ADD1: variants seen among roughly 807,000 people sequenced by gnomAD.
ADD1 encodes alpha-adducin.
Under a neutral mutation model 80.5 loss-of-function variants are expected in ADD1, and 24 were observed. That is an observed-to-expected ratio of 0.30 (90% CI 0.22 to 0.42). The LOEUF is 0.42. ADD1 is among the 10% of genes least tolerant of loss of function. ADD1 has a pLI of 1.00. For missense variants in ADD1, 948 were observed against 1,019.0 expected, an observed-to-expected ratio of 0.93 and a Z score of 0.95; for synonymous variants, 373 against 393.8, an observed-to-expected ratio of 0.95 and a Z score of 0.63.
rs57425059 is a variant in ADD1, at chr4:2,852,247, C to CTTTCTT, written c.-21+8224_-21+8225insTTCTTT. ...CTTTCTTTCCTTTCTTTCTTTCTTTCTCTTTCTTTCTTTCCTTCCTTCCTT... is the reference window on the plus strand; with the variant it reads ...CTTTCTTTCCTTTCTTTCTTTCTTTCTTTCTTTCTTTCTTTCTTTCCTTCCTTCCTT... On this transcript the variant is annotated intron_variant, in intron 1 of 15. Transcript: ENST00000683351. Among the ~76,000 whole-genome samples, 9 of 66,256 alleles carry CTTTCTT rather than the reference C, an allele frequency of 1.4e-4. No homozygotes were observed. In the South Asian group the frequency reaches 2.0e-3, roughly 15 times the overall value. The allele number at this position is 66,256 out of a possible 152,430, so 43.5% of individuals were successfully genotyped here.
chr4:2,924,765 G>C (rs1053069901), intron 14 of ADD1, among the ~76,000 whole-genome samples: 10 of 152,200 alleles, frequency 6.6e-5, no homozygotes, highest in Admixed American at 1.3e-4. Flanking sequence ...TCTCCCTCCA[G>C]TGAAGCTTTG....
chr4:2,910,348 C>G (rs765691913), intron 13 of ADD1, among the ~76,000 whole-genome samples: 1 of 151,998 alleles, frequency 6.6e-6, no homozygotes, highest in Non-Finnish European at 1.5e-5. Flanking sequence ...AGCAAAGATT[C>G]TGTATTCCTG....
intron 1 of ADD1, among the ~76,000 whole-genome samples, chr4:2,872,027 G>T (rs1730531457): frequency 6.6e-6 from 1 of 152,172 alleles, no homozygotes; most frequent in African/African-American, 2.4e-5. Flanking sequence ...TTAGAGAATG[G>T]ATTGTTGTGG....
At chr4:2,877,369 T>C (rs1560175300) in intron 2 of ADD1, among the ~76,000 whole-genome samples, 1 of 152,122 alleles carries the variant, frequency 6.6e-6, no homozygotes, top group Non-Finnish European at 1.5e-5. Context: ...AGCAGTAAAC[T>C]AGACATACAA....
At chr4:2,912,786 CA>C (rs944397568) in intron 13 of ADD1, among the ~76,000 whole-genome samples, 1 of 152,166 alleles carries the variant, frequency 6.6e-6, no homozygotes, top group African/African-American at 2.4e-5. Context: ...CTTGGCCTCC[CA>C]AAGTGCTGGG....
chr4:2,853,130 A>G (rs1000609744), intron 1 of ADD1: 2 of 134,028 alleles, frequency 1.5e-5, no homozygotes, highest in African/African-American at 5.7e-5. Flanking sequence ...TTTTTTTGAG[A>G]CAGGTTCTCA....
At chr4:2,890,742 G>C (rs756459501) in intron 4 of ADD1, among the ~76,000 whole-genome samples, 2 of 152,018 alleles carry the variant, frequency 1.3e-5, no homozygotes, top group Admixed American at 6.6e-5. Context: ...CTAATTGATA[G>C]ATACATGGAT....
intron 6 of ADD1, among the ~76,000 whole-genome samples, chr4:2,896,017 A>T (rs1275706004): frequency 6.6e-6 from 1 of 151,652 alleles, no homozygotes. Context: ...CCTCCCAAGT[A>T]GCTGGGACTA....
At chr4:2,852,249 C>T (rs550246765) in intron 1 of ADD1, among the ~76,000 whole-genome samples, 513 of 50,636 alleles carry the variant, frequency 0.01, 2 homozygotes, top group Middle Eastern at 0.023. Flanking sequence ...CTTTCTTTCT[C>T]TTTCTTTCTT....
chr4:2,845,595 C>T (rs1726079500), intron 1 of ADD1, among the ~76,000 whole-genome samples: 1 of 152,112 alleles, frequency 6.6e-6, no homozygotes, highest in South Asian at 2.1e-4. Flanking sequence ...TGAGTCTAAA[C>T]TCTAGCCAGT....
chr4:2,882,168 TTGAG>T (rs1251621923), intron 3 of ADD1, 108 bp downstream of exon 3: 4 of 1,015,676 alleles, frequency 3.9e-6, no homozygotes, highest in Non-Finnish European at 5.5e-6. Flanking sequence ...CATAACAGAG[TTGAG>T]TATTTTGAAA....
rs182051994 is a variant in ADD1 at position 2,885,464 on chromosome 4, A to G, written c.510+798A>G. ...TTGAGACTCCTGACCTCCTTCTTCCACCAAATGACCTCATCATGTCACAGA... is the reference window on the plus strand; with the variant it reads ...TTGAGACTCCTGACCTCCTTCTTCCGCCAAATGACCTCATCATGTCACAGA... On this transcript the variant is annotated intron_variant, in intron 4 of 15. Transcript: ENST00000683351. Among the ~76,000 whole-genome samples, 8 of 152,214 alleles carry G rather than the reference A, an allele frequency of 5.3e-5. No individual in the cohort carries two copies. The East Asian group carries it at 1.5e-3, about 29-fold the overall frequency.
rs562518615 is a variant in ADD1 at position 2,864,947 on chromosome 4, T to G, written c.-20-10949T>G. Among the ~76,000 whole-genome samples, 3 of 152,288 alleles carry G rather than the reference T, an allele frequency of 2.0e-5. No individual in the cohort carries two copies. In the East Asian group the frequency reaches 5.8e-4, roughly 29 times the overall value. ...TTTTGTAAATTTCCCTTTTATAAAT[T>G]AATCTTTAAAAATGTGTGTGTGTAT... On this transcript the variant is annotated intron_variant, in intron 1 of 15. Transcript: ENST00000683351.
intron 6 of ADD1, among the ~76,000 whole-genome samples, chr4:2,897,160 G>A (rs1735383883): frequency 1.3e-5 from 2 of 151,984 alleles, no homozygotes; most frequent in South Asian, 4.1e-4. Context: ...GTCTTTTTAG[G>A]TTAACTTTTC....
Position 2,926,456 on chromosome 4 carries a change from G to T in ADD1, c.2047+344G>T. 1.4e-6 allele frequency: 1 copy of T among 705,260 alleles called. No individual in the cohort carries two copies. The highest frequency in any genetic ancestry group is 2.5e-6 in the Non-Finnish European group (1 of 396,226). 43.7% of individuals were successfully genotyped at this position (705,260 alleles called of 1,614,324 possible). On this transcript the variant is annotated intron_variant, in intron 15 of 15. Coordinates refer to ENST00000683351, the MANE Select transcript of ADD1 (RefSeq NM_001354761.2). This position sits in a 1 kb window ranked among gnomAD's most constrained non-coding sequence, Gnocchi z 5.0. ...CCCTCCGCTGTGTGAGCCACACGCC[G>T]GCTGCCTCTCAGCCACCGTGTGTCT...
chr4:2,911,454 T>A (rs1349936024), intron 13 of ADD1, among the ~76,000 whole-genome samples: 15 of 143,360 alleles, frequency 1.0e-4, no homozygotes, highest in African/African-American at 2.4e-4. Flanking sequence ...ATATATTTTT[T>A]TTTTTTTTTT....
chr4:2,881,844 T>C, intron 2 of ADD1, 54 bp from the exon 3 acceptor site: 2 of 1,504,900 alleles, frequency 1.3e-6, no homozygotes, highest in Non-Finnish European at 1.8e-6. Context: ...TCTGACCCCC[T>C]GCCCAAGGAA....
chr4:2,850,147 A>C (rs550670979), intron 1 of ADD1, among the ~76,000 whole-genome samples: 1 of 152,348 alleles, frequency 6.6e-6, no homozygotes, highest in East Asian at 1.9e-4. Flanking sequence ...GGATTGAAGC[A>C]CTCATACCTG....
At chr4:2,923,139 G>C (rs902378747) in intron 14 of ADD1, among the ~76,000 whole-genome samples, 2 of 152,226 alleles carry the variant, frequency 1.3e-5, no homozygotes, top group Non-Finnish European at 2.9e-5. Context: ...CTTTCCAGGG[G>C]TGTGAAGGGT....
Sources: gnomAD v4.1 joint callset for allele counts (sites outside exome capture counted in the v4.1 genomes callset) on GRCh38, gnomAD v4.1.1 for gene constraint, Gnocchi (gnomAD v3.1) non-coding constraint, MANE v1.5 for transcripts, NCBI Gene and HGNC (gene_info 2026-07-23, HGNC 2026-07-21) for gene names.